CCNJL: variants seen among roughly 807,000 people sequenced by gnomAD.
The protein encoded by CCNJL is cyclin-J-like protein.
CCNJL carries 33 observed loss-of-function variants against 33.4 expected under a neutral mutation model. The observed-to-expected ratio is 0.99, with a 90% confidence interval of 0.75 to 1.32. CCNJL has a LOEUF of 1.32. Among genes scored for constraint, CCNJL ranks in the 40% most tolerant of loss-of-function variants. CCNJL has a pLI of 0.00. For synonymous variants in CCNJL, 227 were observed against 220.9 expected, an observed-to-expected ratio of 1.03 and a Z score of -0.24; for missense variants, 512 against 499.7, an observed-to-expected ratio of 1.02 and a Z score of -0.23.
intron 2 of CCNJL, among the ~76,000 whole-genome samples, chr5:160,306,270 CAAAA>C (rs35956418): frequency 5.8e-5 from 4 of 68,906 alleles, no homozygotes; most frequent in African/African-American, 2.0e-4. Flanking sequence ...GACTCCGTCT[CAAAA>C]AAAAAAAAAA....
intron 1 of CCNJL, among the ~76,000 whole-genome samples, chr5:160,326,182 C>T (rs961430041): frequency 6.6e-6 from 1 of 152,036 alleles, no homozygotes; most frequent in African/African-American, 2.4e-5. Context: ...ATATGAAAGC[C>T]ATTATGCCGG....
chr5:160,304,689 T>C (rs1165393819), intron 2 of CCNJL, among the ~76,000 whole-genome samples: 1 of 151,982 alleles, frequency 6.6e-6, no homozygotes, highest in Non-Finnish European at 1.5e-5. Context: ...ATCTTGTGAT[T>C]TGGGGGGAAC....
chr5:160,253,700 T>C lies in CCNJL; in HGVS notation c.842A>G (p.Gln281Arg), dbSNP rs1760916795. The change falls in exon 6 of 6, where the codon CAG becomes CGG. Residue 281 changes from glutamine (Q) to arginine (R), a missense_variant. By Grantham distance (43) the Gln-to-Arg change is conservative (BLOSUM62 1). Transcript: ENST00000257536. ...TPPTPTQVLFQPPAYPALGQP... is the reference protein window; with the variant it reads ...TPPTPTQVLFRPPAYPALGQP... ...GCCGAGGGCCGGGTAGGCTGGTGGC[T>C]GGAACAGCACTTGAGTGGGGGTGGG... 6.2e-7 allele frequency: 1 copy of C among 1,604,396 alleles called. No homozygotes were observed. The highest frequency in any genetic ancestry group is 8.5e-7 in the Non-Finnish European group (1 of 1,175,268).
At chr5:160,316,939 A>T (rs970268305), upstream of CCNJL, among the ~76,000 whole-genome samples, 1 of 152,230 alleles carries the variant, frequency 6.6e-6, no homozygotes, top group Non-Finnish European at 1.5e-5. Flanking sequence ...AGGGTCAAGC[A>T]TATAAATTCC....
At chr5:160,324,702 C>A (rs144136375) in intron 1 of CCNJL, among the ~76,000 whole-genome samples, 114 of 152,082 alleles carry the variant, frequency 7.5e-4, no homozygotes, top group Non-Finnish European at 1.3e-3. Context: ...TTGAATATAT[C>A]ATTGTAGTTC....
chr5:160,256,605 T>C (rs1418733256), intron 4 of CCNJL, among the ~76,000 whole-genome samples: 1 of 152,214 alleles, frequency 6.6e-6, no homozygotes, highest in Admixed American at 6.5e-5. Context: ...TTCAGTTTAT[T>C]ACTCTGTTGT....
intron 1 of CCNJL, among the ~76,000 whole-genome samples, chr5:160,335,373 AT>A: frequency 6.6e-6 from 1 of 152,182 alleles, no homozygotes. Context: ...GAATTTATAT[AT>A]TTTTATATAC....
chr5:160,276,200 A>G, intron 3 of CCNJL: 1 of 151,274 alleles, frequency 6.6e-6, no homozygotes, highest in Non-Finnish European at 1.5e-5. Flanking sequence ...TTCGAGACTA[A>G]CCTGGCCAAC....
intron 3 of CCNJL, among the ~76,000 whole-genome samples, chr5:160,260,246 G>A (rs980825613): frequency 2.0e-5 from 3 of 152,160 alleles, no homozygotes; most frequent in Non-Finnish European, 4.4e-5. Context: ...GTCCCTCCAC[G>A]TGTAGAAAAG....
At position 160,282,996 on chromosome 5, in the gene CCNJL, TATATATATATATAC is replaced by T. The variant is rs1253309179; in HGVS notation, c.67-2272_67-2259del. Among the ~76,000 whole-genome samples, 481 of 58,120 alleles carry T rather than the reference TATATATATATATAC, an allele frequency of 8.3e-3. 12 individuals are homozygous for T. The highest frequency in any genetic ancestry group is 0.049 in the South Asian group (69 of 1,406). 38.1% of individuals were successfully genotyped at this position (58,120 alleles called of 152,430 possible). A position where few individuals can be genotyped will look rare whatever the true frequency, so the allele number is the denominator to read the frequency against. On this transcript the variant is annotated intron_variant, in intron 2 of 5. Coordinates refer to ENST00000257536, the MANE Select transcript of CCNJL (RefSeq NM_001308173.3). The stretch of plus-strand genomic sequence containing the variant: ...ATATATATATATATATATATATATA[TATATATATATATAC>T]ATATATATATATATATACCTAAGAG...
chr5:160,289,193 C>T (rs965628658), intron 2 of CCNJL, among the ~76,000 whole-genome samples: 17 of 152,186 alleles, frequency 1.1e-4, no homozygotes. Context: ...CGCCAGCAGC[C>T]ACTGCACATT....
chr5:160,254,087 A>C, intron 5 of CCNJL: 1 of 464,244 alleles, frequency 2.2e-6, no homozygotes, highest in Non-Finnish European at 3.8e-6. Flanking sequence ...CACAGTCAAT[A>C]CCCCAGAGAG....
intron 1 of CCNJL, among the ~76,000 whole-genome samples, chr5:160,324,568 G>A (rs1246243012): frequency 6.6e-6 from 1 of 151,050 alleles, no homozygotes; most frequent in Non-Finnish European, 1.5e-5. Context: ...AGCAAAACTC[G>A]GTCTCCAAAA....
chr5:160,297,305 C>A (rs1762775387), intron 2 of CCNJL, among the ~76,000 whole-genome samples: 1 of 152,174 alleles, frequency 6.6e-6, no homozygotes, highest in Admixed American at 6.5e-5. Flanking sequence ...CACTGTGTGA[C>A]AACCAAGCCA....
intron 2 of CCNJL, among the ~76,000 whole-genome samples, chr5:160,310,693 C>T (rs2044095953): frequency 6.6e-6 from 1 of 152,164 alleles, no homozygotes; most frequent in Non-Finnish European, 1.5e-5. Flanking sequence ...ATTATGATGA[C>T]ATCACATTGG....
chr5:160,336,502 G>A (rs1330521838), intron 1 of CCNJL, among the ~76,000 whole-genome samples: 1 of 152,244 alleles, frequency 6.6e-6, no homozygotes, highest in Non-Finnish European at 1.5e-5. Context: ...AGATCCTTCA[G>A]AGTAAGCGCG....
chr5:160,293,601 G>A (rs555131818), intron 2 of CCNJL, among the ~76,000 whole-genome samples: 9 of 152,190 alleles, frequency 5.9e-5, no homozygotes, highest in Admixed American at 3.3e-4. Flanking sequence ...CTGTGCGCAC[G>A]CATGTCCACT....
chr5:160,254,060 C>T, intron 5 of CCNJL: 1 of 468,676 alleles, frequency 2.1e-6, no homozygotes. Flanking sequence ...CCCCACAGCC[C>T]CATGCTGCCC....
At chr5:160,307,712 C>CG in intron 2 of CCNJL, among the ~76,000 whole-genome samples, 1 of 152,234 alleles carries the variant, frequency 6.6e-6, no homozygotes, top group East Asian at 1.9e-4. Flanking sequence ...CATCCCTGTA[C>CG]TGGCTGGCAC....
Sources: allele counts gnomAD v4.1 joint callset (sites outside exome capture counted in the v4.1 genomes callset), GRCh38; gene constraint gnomAD v4.1.1; transcripts MANE v1.5; gene names NCBI Gene and HGNC (gene_info 2026-07-23, HGNC 2026-07-21).